ELOVL2: variants seen among roughly 807,000 people sequenced by gnomAD.
ELOVL2 encodes the protein ELOVL fatty acid elongase 2, also known as very long chain fatty acid elongase 2.
In ELOVL2, 38 loss-of-function variants were observed where a neutral mutation model predicts 37.7. The observed-to-expected ratio is 1.01, with a 90% CI of 0.78 to 1.32. The LOEUF (loss-of-function observed/expected upper bound fraction) is 1.32. ELOVL2 is among the 40% of genes most tolerant of loss of function. ELOVL2 has a pLI of 0.00. For missense variants in ELOVL2, 352 were observed against 363.6 expected, an observed-to-expected ratio of 0.97 and a Z score of 0.26; for synonymous variants, 115 against 122.3, an observed-to-expected ratio of 0.94 and a Z score of 0.40.
At chr6:11,037,040 A>AAGAGAGGCAGAGAGGGAAAGAGAT (rs1244537154) in intron 1 of ELOVL2, among the ~76,000 whole-genome samples, 34 of 139,326 alleles carry the variant, frequency 2.4e-4, no homozygotes, top group African/African-American at 8.9e-4. Flanking sequence ...GAGACAGAGG[A>AAGAGAGGCAGAGAGGGAAAGAGAT]AGAGAGGCAG....
Position 11,044,127 on chromosome 6 carries a change from C to A in ELOVL2, c.3+101G>T. 1.5e-6 allele frequency: 2 copies of A among 1,328,736 alleles called. No homozygotes were observed. Among genetic ancestry groups the A allele is most frequent in the Middle Eastern group, 2.8e-4 (1 of 3,512 alleles). 82.3% of individuals were successfully genotyped at this position (1,328,736 alleles called of 1,614,324 possible). A position where few individuals can be genotyped will look rare whatever the true frequency, so the allele number is the denominator to read the frequency against. On this transcript the variant is annotated intron_variant, in intron 1 of 7. Transcript: ENST00000354666. This position sits in a 1 kb window ranked among gnomAD's most constrained non-coding sequence, Gnocchi z 5.6. The stretch of plus-strand genomic sequence containing the variant: ...GCGGGTTCCAGCGGCGAACCCGCAG[C>A]GCCCGCGCCGGCGCCCGCTCGGCCC...
chr6:11,041,168 T>C (rs536934525), intron 1 of ELOVL2, among the ~76,000 whole-genome samples: 5 of 152,330 alleles, frequency 3.3e-5, no homozygotes, highest in African/African-American at 1.2e-4. Flanking sequence ...CCCTTATCAA[T>C]GTCTACTCCC....
intron 3 of ELOVL2, among the ~76,000 whole-genome samples, chr6:11,002,930 T>C (rs939666562): frequency 6.6e-6 from 1 of 152,210 alleles, no homozygotes; most frequent in South Asian, 2.1e-4. Flanking sequence ...TCAAGAGTTA[T>C]ATAGGAGAAA....
At chr6:10,995,259 G>C (rs763489424) in intron 4 of ELOVL2, 81 bp from the exon 5 acceptor site, 47 of 1,074,666 alleles carry the variant, frequency 4.4e-5, no homozygotes, top group Non-Finnish European at 5.8e-5. Context: ...CCTTCTGCCT[G>C]CTGCCTGTGG....
At chr6:10,984,749 C>T (rs966459832) in intron 7 of ELOVL2, among the ~76,000 whole-genome samples, 5 of 151,488 alleles carry the variant, frequency 3.3e-5, no homozygotes, top group Admixed American at 3.3e-4. Flanking sequence ...TTTTCTTAAT[C>T]CAGTCTATCA....
At chr6:11,023,918 T>C (rs1258398248) in intron 1 of ELOVL2, among the ~76,000 whole-genome samples, 4 of 152,248 alleles carry the variant, frequency 2.6e-5, no homozygotes, top group African/African-American at 9.6e-5. Context: ...TTGGCCTCTA[T>C]GATGGTTAGA....
rs527727970 is a variant in ELOVL2 at position 10,987,655 on chromosome 6, A to G, written c.765+2048T>C. On this transcript the variant is annotated intron_variant, in intron 7 of 7. Coordinates refer to ENST00000354666, the MANE Select transcript of ELOVL2 (RefSeq NM_017770.4). ...TGGTTAAAGATTAAAAATAAAGACC[A>G]AAACAAATGCATGTATTTCAATGAC... Among the ~76,000 whole-genome samples the G allele has an allele frequency of 2.0e-5, 3 of 152,358 alleles. No individual in the cohort carries two copies. The East Asian group carries it at 5.8e-4, about 29-fold the overall frequency.
At chr6:10,996,075 A>G (rs1224177975) in intron 4 of ELOVL2, among the ~76,000 whole-genome samples, 1 of 152,086 alleles carries the variant, frequency 6.6e-6, no homozygotes, top group Non-Finnish European at 1.5e-5. Context: ...AGTCTCATCT[A>G]TAGGGAGACA....
chr6:11,013,071 A>T (rs1224259331), intron 1 of ELOVL2, among the ~76,000 whole-genome samples: 1 of 152,248 alleles, frequency 6.6e-6, no homozygotes, highest in African/African-American at 2.4e-5. Flanking sequence ...GAAAGAACAC[A>T]TCAGAAAGAA....
rs1054436700 is a variant in ELOVL2, at chr6:10,989,802, G to A, written c.666C>T (p.Ser222=). Residue 222 remains serine, a synonymous_variant, in exon 7 of 8, where the codon AGC becomes AGT. Coordinates refer to ENST00000354666, the MANE Select transcript of ELOVL2 (RefSeq NM_017770.4). ...GGAAGCCACACGGTTTCACGACGGC[G>A]CTCATGGTGTGCGTGATGGTGAGCA... is the stretch of plus-strand genomic sequence containing the variant. ...QFVLTITHTM[S]AVVKPCGFPF... 23 of 1,614,010 alleles carry A rather than the reference G, an allele frequency of 1.4e-5. 1 individual carries two copies. The highest frequency in any genetic ancestry group is 6.6e-5 in the South Asian group (6 of 91,092).
At chr6:11,037,539 T>TAAAAA (rs35799154) in intron 1 of ELOVL2, among the ~76,000 whole-genome samples, 1 of 138,998 alleles carries the variant, frequency 7.2e-6, no homozygotes. Flanking sequence ...CTCGTTCTAC[T>TAAAAA]AAAAAAAAAA....
chr6:11,004,923 C>A (rs1782452673), intron 3 of ELOVL2, among the ~76,000 whole-genome samples: 1 of 152,092 alleles, frequency 6.6e-6, no homozygotes, highest in Non-Finnish European at 1.5e-5. Flanking sequence ...CTTTGGGAGG[C>A]CAAGACAGGA....
rs970914158 is a variant in ELOVL2 at position 11,007,190 on chromosome 6, C to T, written c.68-1631G>A. 5.9e-5 allele frequency among the ~76,000 whole-genome samples: 9 copies of T among 152,304 alleles called. No homozygotes were observed. The South Asian group carries it at 1.9e-3, about 32-fold the overall frequency. On this transcript the variant is annotated intron_variant, in intron 2 of 7. Transcript: ENST00000354666. ...TGAAATGACTTGCACTAAACTGCTACGCTACTTCTTGTTATGGTGTTAGAC... is the reference window on the plus strand; with the variant it reads ...TGAAATGACTTGCACTAAACTGCTATGCTACTTCTTGTTATGGTGTTAGAC...
chr6:11,000,775 A>T (rs1422228926), intron 3 of ELOVL2, among the ~76,000 whole-genome samples: 2 of 152,214 alleles, frequency 1.3e-5, no homozygotes, highest in Non-Finnish European at 2.9e-5. Context: ...TCATCTTTGT[A>T]TCTACAGTTC....
At chr6:11,007,824 G>T (rs1782505662) in intron 2 of ELOVL2, among the ~76,000 whole-genome samples, 1 of 152,182 alleles carries the variant, frequency 6.6e-6, no homozygotes, top group Non-Finnish European at 1.5e-5. Context: ...TTCATTAAAT[G>T]CATATCCATT....
At chr6:11,029,473 G>C (rs1782888282) in intron 1 of ELOVL2, among the ~76,000 whole-genome samples, 1 of 152,182 alleles carries the variant, frequency 6.6e-6, no homozygotes, top group African/African-American at 2.4e-5. Context: ...CCTGTACACA[G>C]AGTAGAAGTT....
At chr6:11,022,989 G>T (rs1213205941) in intron 1 of ELOVL2, among the ~76,000 whole-genome samples, 1 of 152,128 alleles carries the variant, frequency 6.6e-6, no homozygotes, top group African/African-American at 2.4e-5. Flanking sequence ...AATGAAATCT[G>T]CCAAAGCTTC....
At chr6:11,042,023 A>G (rs1393879959) in intron 1 of ELOVL2, among the ~76,000 whole-genome samples, 1 of 150,808 alleles carries the variant, frequency 6.6e-6, no homozygotes, top group Non-Finnish European at 1.5e-5. Context: ...AAGTAATACG[A>G]TTTCAGCCGG....
intron 7 of ELOVL2, among the ~76,000 whole-genome samples, chr6:10,988,598 T>C (rs1241177859): frequency 6.6e-6 from 1 of 152,204 alleles, no homozygotes; most frequent in East Asian, 1.9e-4. Flanking sequence ...CCACTATGGG[T>C]TAACTTTCAG....
Sources: allele counts gnomAD v4.1 joint callset (sites outside exome capture counted in the v4.1 genomes callset), GRCh38; gene constraint gnomAD v4.1.1; non-coding constraint Gnocchi (gnomAD v3.1); transcripts MANE v1.5; gene names NCBI Gene and HGNC (gene_info 2026-07-23, HGNC 2026-07-21).